GRM1: variants seen among roughly 807,000 people sequenced by gnomAD.
The protein encoded by GRM1 is glutamate metabotropic receptor 1, also known as metabotropic glutamate receptor 1.
Under a neutral mutation model 90.9 loss-of-function variants are expected in GRM1, and 33 were observed. The observed-to-expected ratio is 0.36, with a 90% CI of 0.28 to 0.49. GRM1 has a LOEUF of 0.49. Ranked by LOEUF, GRM1 falls within the 20% of genes least tolerant of loss-of-function variation. The pLI is 0.99. For synonymous variants in GRM1, 700 were observed against 613.2 expected, an observed-to-expected ratio of 1.14 and a Z score of -2.09; for missense variants, 1,190 against 1,534.3, an observed-to-expected ratio of 0.78 and a Z score of 3.75.
chr6:146,042,420 G>T (rs1791147487), intron 1 of GRM1, among the ~76,000 whole-genome samples: 2 of 151,978 alleles, frequency 1.3e-5, no homozygotes, highest in African/African-American at 4.8e-5. Flanking sequence ...CAGTTTTAAA[G>T]GCTGATGAAA....
At position 146,315,172 on chromosome 6, in the gene GRM1, A is replaced by G. The variant is rs1162426544; in HGVS notation, c.1186+10326A>G. Among the ~76,000 whole-genome samples, 4 of 152,288 alleles carry G rather than the reference A, an allele frequency of 2.6e-5. No individual in the cohort carries two copies. In the East Asian group the frequency reaches 7.7e-4, roughly 29 times the overall value. The stretch of plus-strand genomic sequence containing the variant: ...CAAGACCAGCCTGGGAACTACTGCA[A>G]GACCCTGTCTCTCCAAAAAGTTAGC... On this transcript the variant is annotated intron_variant, in intron 3 of 7. Coordinates refer to ENST00000282753, the MANE Select transcript of GRM1 (RefSeq NM_001278064.2).
rs767782032 is a variant in GRM1, at chr6:146,426,630, A to G, written c.2661-7242A>G. ...CATGTGCAGCTTTGAAAACCCCCAC[A>G]CTGCAGTGAATGTGTAAGAGAAGCT... On this transcript the variant is annotated intron_variant, in intron 7 of 7. Transcript: ENST00000282753. 26 of 1,453,988 alleles carry G rather than the reference A, an allele frequency of 1.8e-5. No homozygotes were observed. In the African/African-American group the frequency reaches 2.1e-4, roughly 12 times the overall value. The allele number at this position is 1,453,988 out of a possible 1,614,324, so 90.1% of individuals were successfully genotyped here.
chr6:146,433,441 G>T (rs1218994289), intron 7 of GRM1, among the ~76,000 whole-genome samples: 1 of 151,938 alleles, frequency 6.6e-6, no homozygotes, highest in Non-Finnish European at 1.5e-5. Context: ...TTGTCCCAAG[G>T]ACAATAGCCA....
intron 5 of GRM1, among the ~76,000 whole-genome samples, chr6:146,373,434 T>C (rs990435124): frequency 7.9e-5 from 12 of 152,186 alleles, no homozygotes; most frequent in Admixed American, 3.9e-4. Context: ...TACACACTTT[T>C]GAACAACCAG....
intron 2 of GRM1, among the ~76,000 whole-genome samples, chr6:146,276,838 C>A (rs528383528): frequency 6.6e-6 from 1 of 152,044 alleles, no homozygotes; most frequent in East Asian, 1.9e-4. Context: ...CGGTGGTTTA[C>A]GTATGTAATC....
intron 1 of GRM1, among the ~76,000 whole-genome samples, chr6:146,083,281 T>A (rs1311059469): frequency 6.6e-6 from 1 of 152,034 alleles, no homozygotes; most frequent in African/African-American, 2.4e-5. Flanking sequence ...TGAATAGGAG[T>A]GGTGAGAGAG....
At chr6:146,087,920 T>C (rs767306689) in intron 1 of GRM1, among the ~76,000 whole-genome samples, 17 of 152,278 alleles carry the variant, frequency 1.1e-4, no homozygotes, top group Middle Eastern at 3.4e-3. Flanking sequence ...CATGTTTTAG[T>C]GTGAACAAAC....
intron 2 of GRM1, among the ~76,000 whole-genome samples, chr6:146,178,151 T>A (rs1392758871): frequency 6.6e-6 from 1 of 152,222 alleles, no homozygotes; most frequent in Non-Finnish European, 1.5e-5. Flanking sequence ...TTAGTTGTCA[T>A]GTCTCCTTAG....
intron 2 of GRM1, among the ~76,000 whole-genome samples, chr6:146,185,897 G>T (rs980230454): frequency 6.6e-5 from 10 of 151,924 alleles, no homozygotes; most frequent in African/African-American, 2.4e-4. Flanking sequence ...CCTTTAGTTA[G>T]ATCTCACGAT....
chr6:146,225,318 T>C (rs1403146043), intron 2 of GRM1, among the ~76,000 whole-genome samples: 1 of 152,154 alleles, frequency 6.6e-6, no homozygotes, highest in African/African-American at 2.4e-5. Flanking sequence ...CTTGAAGATC[T>C]CTCACTAGTT....
At chr6:146,283,422 C>T (rs1782650257) in intron 2 of GRM1, among the ~76,000 whole-genome samples, 1 of 152,116 alleles carries the variant, frequency 6.6e-6, no homozygotes, top group South Asian at 2.1e-4. Flanking sequence ...GTCCTGTGAG[C>T]TAGCAAGGCA....
chr6:146,373,637 A>C (rs1775986617), intron 5 of GRM1, among the ~76,000 whole-genome samples: 1 of 152,102 alleles, frequency 6.6e-6, no homozygotes, highest in Non-Finnish European at 1.5e-5. Context: ...AAATGAGATT[A>C]CTTTTTTATT....
chr6:146,416,478 G>A (rs1777788976), intron 7 of GRM1, among the ~76,000 whole-genome samples: 1 of 151,992 alleles, frequency 6.6e-6, no homozygotes, highest in African/African-American at 2.4e-5. Context: ...CACTTTCCAA[G>A]CAAGGCAAGG....
intron 2 of GRM1, among the ~76,000 whole-genome samples, chr6:146,215,979 G>T (rs905199396): frequency 2.3e-4 from 35 of 152,048 alleles, no homozygotes; most frequent in Non-Finnish European, 4.9e-4. Context: ...GGATGGTCTC[G>T]ATCACCTGAA....
intron 7 of GRM1, among the ~76,000 whole-genome samples, chr6:146,418,147 G>A (rs1444033481): frequency 6.6e-6 from 1 of 152,012 alleles, no homozygotes; most frequent in African/African-American, 2.4e-5. Context: ...TATTAGTACT[G>A]TGCCAAATTC....
At chr6:146,126,303 T>C (rs544095142) in intron 1 of GRM1, among the ~76,000 whole-genome samples, 1 of 152,012 alleles carries the variant, frequency 6.6e-6, no homozygotes, top group Non-Finnish European at 1.5e-5. Flanking sequence ...TAGAGAAAAA[T>C]ATAAAGGAAA....
chr6:146,416,111 G>A (rs1233508593), intron 7 of GRM1, among the ~76,000 whole-genome samples: 1 of 151,926 alleles, frequency 6.6e-6, no homozygotes, highest in Non-Finnish European at 1.5e-5. Flanking sequence ...TATGTTTAAG[G>A]ATTGTGTCTT....
chr6:146,134,160 A>G (rs970140587), intron 1 of GRM1, among the ~76,000 whole-genome samples: 2 of 152,054 alleles, frequency 1.3e-5, no homozygotes, highest in Non-Finnish European at 2.9e-5. Flanking sequence ...ATTGAATACC[A>G]CTGTGGGCTC....
intron 3 of GRM1, among the ~76,000 whole-genome samples, chr6:146,308,631 T>C (rs1783664340): frequency 6.6e-6 from 1 of 152,174 alleles, no homozygotes; most frequent in Non-Finnish European, 1.5e-5. Flanking sequence ...TCTTTTATAA[T>C]TTTTTTCTGA....
Sources: allele counts gnomAD v4.1 joint callset (sites outside exome capture counted in the v4.1 genomes callset), GRCh38; gene constraint gnomAD v4.1.1; transcripts MANE v1.5; gene names NCBI Gene and HGNC (gene_info 2026-07-23, HGNC 2026-07-21).